The following HBP1 variants were observed in gnomAD, a reference collection of about 807,000 sequenced individuals.
HBP1 encodes the protein HMG-box transcription factor 1.
A neutral mutation model predicts 62.6 loss-of-function variants in HBP1; 20 were observed. The observed-to-expected ratio is 0.32, with a 90% CI of 0.22 to 0.46. The LOEUF (loss-of-function observed/expected upper bound fraction) is 0.46. Ranked by LOEUF, HBP1 falls within the 20% of genes least tolerant of loss-of-function variation. HBP1 has a pLI of 1.00. For synonymous variants in HBP1, 232 were observed against 206.2 expected (o/e 1.12, Z -1.07); for missense variants, 480 against 611.8 (o/e 0.78, Z 2.27).
intron 9 of HBP1, among the ~76,000 whole-genome samples, chr7:107,199,573 A>T (rs1798108226): frequency 6.6e-6 from 1 of 152,178 alleles, no homozygotes; most frequent in African/African-American, 2.4e-5. Context: ...AATTTCCAGG[A>T]CCTTATGTTT....
intron 3 of HBP1, among the ~76,000 whole-genome samples, chr7:107,185,185 G>T (rs1797293092): frequency 6.6e-6 from 1 of 152,026 alleles, no homozygotes; most frequent in South Asian, 2.1e-4. Context: ...TTTTTAAGGT[G>T]ATCTTTGAGG....
chr7:107,193,841 G>A (rs560390861), intron 8 of HBP1, among the ~76,000 whole-genome samples: 1 of 152,254 alleles, frequency 6.6e-6, no homozygotes, highest in African/African-American at 2.4e-5. Context: ...GGAAGCTTGA[G>A]TAAATTAATA....
chr7:107,195,712 TA>T (rs1302622836), intron 8 of HBP1, 121 bp from the exon 9 acceptor site: 39 of 480,756 alleles, frequency 8.1e-5, no homozygotes, highest in African/African-American at 1.6e-4. Flanking sequence ...TAACATGATA[TA>T]GGGGGAAATG....
At chr7:107,198,864 ACATTT>A (rs776231113) in intron 9 of HBP1, among the ~76,000 whole-genome samples, 1 of 152,228 alleles carries the variant, frequency 6.6e-6, no homozygotes, top group Non-Finnish European at 1.5e-5. Context: ...AGCATTGTGT[ACATTT>A]CATTACCTGT....
chr7:107,172,737 C>T (rs905837525), intron 1 of HBP1, among the ~76,000 whole-genome samples: 1 of 151,838 alleles, frequency 6.6e-6, no homozygotes, highest in Admixed American at 6.6e-5. Flanking sequence ...TAGATAGGTA[C>T]TAGTCCCATT....
chr7:107,184,751 C>A (rs977381547), intron 3 of HBP1, among the ~76,000 whole-genome samples: 1 of 152,202 alleles, frequency 6.6e-6, no homozygotes, highest in African/African-American at 2.4e-5. Context: ...ACCTCGTGAT[C>A]CGCTTGCCTT....
chr7:107,170,848 T>C (rs988546711), intron 1 of HBP1, among the ~76,000 whole-genome samples: 1 of 150,170 alleles, frequency 6.7e-6, no homozygotes, highest in African/African-American at 2.4e-5. Context: ...TCCTGTGTGC[T>C]TCACAGGGCA....
chr7:107,197,795 G>GT (rs1554390066), intron 9 of HBP1, among the ~76,000 whole-genome samples: 1 of 152,142 alleles, frequency 6.6e-6, no homozygotes. Context: ...GTTTAAGTGT[G>GT]TTTTTTAAAA....
chr7:107,187,010 T>C lies in HBP1; in HGVS notation c.765+329T>C, dbSNP rs1282954397. Among the ~76,000 whole-genome samples the C allele has an allele frequency of 2.0e-5, 3 of 152,308 alleles. No homozygotes were observed. In the East Asian group the frequency reaches 5.8e-4, roughly 29 times the overall value. On this transcript the variant is annotated intron_variant, in intron 6 of 10. Coordinates refer to ENST00000222574, the MANE Select transcript of HBP1 (RefSeq NM_012257.4). Reference sequence around the variant, plus strand: ...GCTCATGCCTGTAATCCCAGCACTTTGGGAGGCTGAGGCGGGTGGATCACG... The same window carrying C: ...GCTCATGCCTGTAATCCCAGCACTTCGGGAGGCTGAGGCGGGTGGATCACG...
At chr7:107,173,078 T>A (rs989672517) in intron 1 of HBP1, among the ~76,000 whole-genome samples, 2 of 152,322 alleles carry the variant, frequency 1.3e-5, no homozygotes, top group Middle Eastern at 6.8e-3. Context: ...GTGAAATCTT[T>A]TGAAGTTTTG....
rs573007685 is a variant in HBP1, at chr7:107,199,090, T to TATTA, written c.1386-1069_1386-1066dup. Among the ~76,000 whole-genome samples the TATTA allele has an allele frequency of 4.9e-4, 75 of 152,300 alleles. 2 individuals carry two copies. In the South Asian group the frequency reaches 0.01, roughly 21 times the overall value. Reference sequence around the variant, plus strand: ...GGAATATAAAAATTGGTTATCATTTTATTATTTATTTTTGAGACAGAGTCT... The same window carrying TATTA: ...GGAATATAAAAATTGGTTATCATTTTATTAATTATTTATTTTTGAGACAGAGTCT... On this transcript the variant is annotated intron_variant, in intron 9 of 10. Transcript: ENST00000222574.
intron 1 of HBP1, 144 bp from the exon 2 acceptor site, chr7:107,179,735 G>A: frequency 2.0e-6 from 1 of 489,272 alleles, no homozygotes; most frequent in Non-Finnish European, 3.7e-6. Context: ...TCACGCCACT[G>A]CACTGCAGTC....
intron 7 of HBP1, chr7:107,189,775 C>A: frequency 4.3e-6 from 1 of 232,386 alleles, no homozygotes; most frequent in Admixed American, 5.3e-5. Flanking sequence ...ATGATATAAA[C>A]CTGAGTCACT....
chr7:107,186,060 T>C (rs1797346089), intron 4 of HBP1, 118 bp downstream of exon 4: 1 of 739,472 alleles, frequency 1.4e-6, no homozygotes, highest in South Asian at 1.7e-5. Flanking sequence ...TGATTTTATA[T>C]ACAGCTCTGC....
At chr7:107,199,490 C>A (rs1324964752) in intron 9 of HBP1, among the ~76,000 whole-genome samples, 1 of 152,186 alleles carries the variant, frequency 6.6e-6, no homozygotes, top group African/African-American at 2.4e-5. Flanking sequence ...GTTTACTGTT[C>A]GAAGGCACAA....
chr7:107,181,772 A>G (rs1400743283), intron 2 of HBP1, among the ~76,000 whole-genome samples: 2 of 151,684 alleles, frequency 1.3e-5, no homozygotes, highest in Non-Finnish European at 2.9e-5. Context: ...TTAAGAATTC[A>G]GTATTTTGGA....
chr7:107,171,073 A>ATATATTTTTTTTTTTTTT lies in HBP1; in HGVS notation c.-16+1889_-16+1890insATATTTTTTTTTTTTTTT. Among the ~76,000 whole-genome samples, 18 of 87,196 alleles carry ATATATTTTTTTTTTTTTT rather than the reference A, an allele frequency of 2.1e-4. 2 individuals carry two copies. The highest frequency in any genetic ancestry group is 1.1e-3 in the African/African-American group (16 of 15,120). The allele number at this position is 87,196 out of a possible 152,430, so 57.2% of individuals were successfully genotyped here. A position where few individuals can be genotyped will look rare whatever the true frequency, so the allele number is the denominator to read the frequency against. ...TATATATATATATATATATATATAT[A>ATATATTTTTTTTTTTTTT]TTTTTTTTTTTTTTTGAGAGGGAGT... On this transcript the variant is annotated intron_variant, in intron 1 of 10. Transcript: ENST00000222574.
intron 9 of HBP1, 35 bp downstream of exon 9, chr7:107,196,186 A>G (rs767147232): frequency 8.7e-7 from 1 of 1,144,114 alleles, no homozygotes; most frequent in East Asian, 2.3e-5. Flanking sequence ...ACAATAAATG[A>G]GTAACACTTC....
At chr7:107,170,201 T>C (rs1007563659) in intron 1 of HBP1, 2 of 896,318 alleles carry the variant, frequency 2.2e-6, no homozygotes, top group Admixed American at 6.2e-5. Context: ...GAGAGGAGGC[T>C]TAGAAAAGGA....
Sources: gnomAD v4.1 joint callset for allele counts (sites outside exome capture counted in the v4.1 genomes callset) on GRCh38, gnomAD v4.1.1 for gene constraint, MANE v1.5 for transcripts, NCBI Gene and HGNC (gene_info 2026-07-23, HGNC 2026-07-21) for gene names.